ADGRL3: variants seen among roughly 807,000 people sequenced by gnomAD.
ADGRL3 encodes adhesion G protein-coupled receptor L3.
Under a neutral mutation model 153.5 loss-of-function variants are expected in ADGRL3, and 62 were observed. The observed-to-expected ratio is 0.40, with a 90% CI of 0.33 to 0.50. ADGRL3 has a LOEUF of 0.50. Among genes scored for constraint, ADGRL3 ranks in the 20% least tolerant of loss-of-function variants. ADGRL3 has a pLI of 0.47. For synonymous variants in ADGRL3, 710 were observed against 672.5 expected, an observed-to-expected ratio of 1.06 and a Z score of -0.86; for missense variants, 1,641 against 1,859.4, an observed-to-expected ratio of 0.88 and a Z score of 2.16.
chr4:61,459,040 A>G (rs1458946352), intron 2 of ADGRL3, among the ~76,000 whole-genome samples: 3 of 151,542 alleles, frequency 2.0e-5, no homozygotes, highest in Non-Finnish European at 3.0e-5. Flanking sequence ...CAGAACCCCA[A>G]CATTTAAGGA....
chr4:61,548,851 GT>G (rs1056450878), intron 4 of ADGRL3, among the ~76,000 whole-genome samples: 3 of 151,536 alleles, frequency 2.0e-5, no homozygotes, highest in East Asian at 1.9e-4. Flanking sequence ...TGGTTCCCTA[GT>G]TTTTTTTCTG....
intron 1 of ADGRL3, among the ~76,000 whole-genome samples, chr4:61,229,860 T>C (rs974681512): frequency 1.3e-5 from 2 of 149,542 alleles, no homozygotes; most frequent in African/African-American, 4.9e-5. Context: ...TGAGCCGAGA[T>C]TGTGAGCTCC....
chr4:61,610,548 G>A lies in ADGRL3; in HGVS notation c.473+23108G>A, dbSNP rs80007173. 8.7e-3 allele frequency among the ~76,000 whole-genome samples: 1,323 copies of A among 152,136 alleles called. 17 individuals are homozygous for A. The highest frequency in any genetic ancestry group is 0.03 in the African/African-American group (1,240 of 41,506). On this transcript the variant is annotated intron_variant, in intron 5 of 26. Coordinates refer to ENST00000683033, the MANE Select transcript of ADGRL3 (RefSeq NM_001387552.1). Reference sequence around the variant, plus strand: ...ATGATGTGTCAGATTAAGAGTAACCGTAGTCTAAGAATTTTTTCCAAGTCT... The same window carrying A: ...ATGATGTGTCAGATTAAGAGTAACCATAGTCTAAGAATTTTTTCCAAGTCT...
chr4:61,908,607 T>TC (rs2098707514), intron 11 of ADGRL3, among the ~76,000 whole-genome samples: 1 of 76,496 alleles, frequency 1.3e-5, no homozygotes. Context: ...AAACAACGCC[T>TC]CAAAAAAAAA....
At chr4:61,523,471 G>A (rs2098542576) in intron 4 of ADGRL3, among the ~76,000 whole-genome samples, 1 of 152,034 alleles carries the variant, frequency 6.6e-6, no homozygotes. Context: ...TTTCAGTGAG[G>A]TTTGCCATTT....
chr4:61,211,212 T>G (rs188706225), intron 1 of ADGRL3, among the ~76,000 whole-genome samples: 1 of 152,190 alleles, frequency 6.6e-6, no homozygotes, highest in African/African-American at 2.4e-5. Context: ...ATTGGGAAGT[T>G]ATTGTGTTTC....
At chr4:61,583,703 T>C (rs1428627163) in intron 4 of ADGRL3, 1 of 518,582 alleles carries the variant, frequency 1.9e-6, no homozygotes. Context: ...CAGTGAGTAG[T>C]TCCAAAGTGT....
intron 2 of ADGRL3, among the ~76,000 whole-genome samples, chr4:61,386,232 G>A (rs1300183186): frequency 6.6e-6 from 1 of 152,022 alleles, no homozygotes; most frequent in African/African-American, 2.4e-5. Context: ...TTAAGAAAAT[G>A]GCAGCTGATA....
intron 1 of ADGRL3, among the ~76,000 whole-genome samples, chr4:61,369,727 A>G (rs2096483303): frequency 1.3e-5 from 2 of 152,148 alleles, no homozygotes; most frequent in South Asian, 2.1e-4. Flanking sequence ...TTGGTATCAG[A>G]ATGATGCTGG....
chr4:61,238,887 T>G (rs191839756), intron 1 of ADGRL3, among the ~76,000 whole-genome samples: 1 of 152,288 alleles, frequency 6.6e-6, no homozygotes, highest in African/African-American at 2.4e-5. Context: ...TTATTTTAGC[T>G]GATTTATGAC....
chr4:61,399,299 A>G (rs2096903241), intron 2 of ADGRL3, among the ~76,000 whole-genome samples: 1 of 151,680 alleles, frequency 6.6e-6, no homozygotes, highest in South Asian at 2.1e-4. Flanking sequence ...TACAGTAGGA[A>G]TTAATATTAA....
At chr4:61,496,566 C>T (rs1223278525) in intron 2 of ADGRL3, among the ~76,000 whole-genome samples, 6 of 151,910 alleles carry the variant, frequency 3.9e-5, no homozygotes, top group African/African-American at 1.5e-4. Context: ...CGCGTGAACC[C>T]GGGAGGCAGA....
At chr4:61,641,354 T>C (rs2093659548) in intron 5 of ADGRL3, among the ~76,000 whole-genome samples, 1 of 151,972 alleles carries the variant, frequency 6.6e-6, no homozygotes, top group South Asian at 2.1e-4. Flanking sequence ...GTTACATATG[T>C]ATACATGTGC....
intron 2 of ADGRL3, among the ~76,000 whole-genome samples, chr4:61,456,369 A>ATATATCTATATATATATATAGATATATC (rs1560663713): frequency 8.6e-6 from 1 of 115,826 alleles, no homozygotes; most frequent in Non-Finnish European, 1.9e-5. Flanking sequence ...AGAGATATAG[A>ATATATCTATATATATATATAGATATATC]TATATCTATA....
At chr4:61,720,408 T>G (rs970264961) in intron 6 of ADGRL3, among the ~76,000 whole-genome samples, 1 of 152,294 alleles carries the variant, frequency 6.6e-6, no homozygotes, top group Admixed American at 6.5e-5. Context: ...TTTTTTAAGA[T>G]AAGTTATTCC....
intron 2 of ADGRL3, among the ~76,000 whole-genome samples, chr4:61,385,096 A>T (rs550174717): frequency 6.6e-6 from 1 of 152,234 alleles, no homozygotes; most frequent in African/African-American, 2.4e-5. Context: ...TTAGAAAACA[A>T]ACCTGCCAAA....
intron 18 of ADGRL3, among the ~76,000 whole-genome samples, chr4:61,982,268 G>A (rs925524364): frequency 1.3e-5 from 2 of 152,078 alleles, no homozygotes; most frequent in Non-Finnish European, 2.9e-5. Flanking sequence ...TGATTGATAT[G>A]AAAAACATGG....
chr4:61,814,589 A>T (rs571030971), intron 9 of ADGRL3, among the ~76,000 whole-genome samples: 1 of 152,200 alleles, frequency 6.6e-6, no homozygotes, highest in African/African-American at 2.4e-5. Context: ...TCCAAGGTTA[A>T]CTTTTTGGTT....
chr4:61,331,736 A>C (rs1188309046), intron 1 of ADGRL3, among the ~76,000 whole-genome samples: 4 of 152,140 alleles, frequency 2.6e-5, no homozygotes, highest in African/African-American at 9.6e-5. Context: ...CCTAGCTGTC[A>C]ATAATAGTTT....
Sources: gnomAD v4.1 joint callset for allele counts (sites outside exome capture counted in the v4.1 genomes callset) on GRCh38, gnomAD v4.1.1 for gene constraint, MANE v1.5 for transcripts, NCBI Gene and HGNC (gene_info 2026-07-23, HGNC 2026-07-21) for gene names.